IQUB: variants seen among roughly 807,000 people sequenced by gnomAD.
IQUB encodes the protein IQ motif and ubiquitin domain containing.
IQUB carries 86 observed loss-of-function variants against 86.4 expected under a neutral mutation model. The ratio of observed to expected loss-of-function variants is 1.00; its 90% CI spans 0.84 to 1.19. IQUB has a LOEUF of 1.19. Ranked by LOEUF, IQUB falls within the 50% of genes most tolerant of loss-of-function variation. The probability of loss-of-function intolerance (pLI) is 0.00; values close to 1 mark genes in which losing one functional copy is unlikely to be tolerated. For synonymous variants in IQUB, 289 were observed against 304.5 expected (o/e 0.95, Z 0.53); for missense variants, 946 against 916.9 (o/e 1.03, Z -0.41).
rs373447728 is a variant in IQUB, at chr7:123,452,796, A to C, written c.2323T>G (p.Tyr775Asp). The change falls in exon 13 of 13, where the codon TAT becomes GAT. Residue 775 changes from tyrosine (Y) to aspartate (D), a missense_variant. Tyr to Asp is a radical substitution (Grantham distance 160, BLOSUM62 -3). Coordinates refer to ENST00000324698, the MANE Select transcript of IQUB (RefSeq NM_178827.5). ...DGEIDEIRWK[Y>D]HSDTTPKIIE... ...ATCTTAGGTGTTGTGTCTGAGTGAT[A>C]CTTCCATCTGATCTCATCAATTTCA... The C allele has an allele frequency of 1.2e-6, 2 of 1,613,600 alleles. No individual in the cohort carries two copies. The highest frequency in any genetic ancestry group is 1.3e-5 in the African/African-American group (1 of 74,888).
rs1222864854 is a variant in IQUB, at chr7:123,517,472, A to C, written c.-4-5128T>G. Among the ~76,000 whole-genome samples, 10 of 129,206 alleles carry C rather than the reference A, an allele frequency of 7.7e-5. No homozygotes were observed. In the East Asian group the frequency reaches 2.7e-3, roughly 35 times the overall value. 84.8% of individuals were successfully genotyped at this position (129,206 alleles called of 152,430 possible). The stretch of plus-strand genomic sequence containing the variant: ...CGTGAACCCAGGAGGCAGAGCTTGC[A>C]GTGAGCCGAGATTGCGCCACTGCAC... On this transcript the variant is annotated intron_variant, in intron 1 of 12. Transcript: ENST00000324698.
At chr7:123,465,487 G>A (rs1448302514) in intron 9 of IQUB, among the ~76,000 whole-genome samples, 1 of 151,904 alleles carries the variant, frequency 6.6e-6, no homozygotes, top group Non-Finnish European at 1.5e-5. Flanking sequence ...TTTAATATTT[G>A]TTAAACTGTA....
intron 1 of IQUB, among the ~76,000 whole-genome samples, chr7:123,522,287 C>T (rs182513005): frequency 2.4e-3 from 365 of 152,308 alleles, no homozygotes; most frequent in African/African-American, 8.6e-3. Flanking sequence ...GGGAAATTGG[C>T]ACAAACTTGA....
At position 123,511,968 on chromosome 7, in the gene IQUB, A is replaced by C; in HGVS notation, c.373T>G (p.Ser125Ala). 6.2e-7 allele frequency: 1 copy of C among 1,607,438 alleles called. No homozygotes were observed. The highest frequency in any genetic ancestry group is 2.2e-5 in the East Asian group (1 of 44,812). Reference protein sequence around the residue: ...IKSVKESLQESVEDSLATVKV... With the variant: ...IKSVKESLQEAVEDSLATVKV... ...CCTGTTGCTAGAGAATCTTCCACTG[A>C]TTCTTGCAAAGATTCCTTTACAGAC... The change falls in exon 2 of 13, where the codon TCA (serine) becomes GCA (alanine). Residue 125 changes from serine (S) to alanine (A), a missense_variant. Physicochemically the swap from Ser to Ala is moderately conservative, Grantham distance 99. Transcript: ENST00000324698.
chr7:123,529,738 A>C (rs1298494429), intron 1 of IQUB, among the ~76,000 whole-genome samples: 1 of 146,828 alleles, frequency 6.8e-6, no homozygotes, highest in Non-Finnish European at 1.5e-5. Context: ...AAAAAAAAAA[A>C]AAAAAAAAAA....
chr7:123,502,529 G>T, intron 6 of IQUB, 68 bp downstream of exon 6: 2 of 1,377,176 alleles, frequency 1.5e-6, no homozygotes, highest in South Asian at 1.2e-5. Flanking sequence ...TGGAGAAAGA[G>T]ACACACTCGG....
intron 10 of IQUB, among the ~76,000 whole-genome samples, chr7:123,463,238 C>T (rs1246494418): frequency 6.6e-6 from 1 of 151,648 alleles, no homozygotes; most frequent in African/African-American, 2.4e-5. Context: ...TTGGTTGTCT[C>T]TTTTTAAAGT....
intron 8 of IQUB, among the ~76,000 whole-genome samples, chr7:123,472,376 T>C (rs1794564840): frequency 1.3e-5 from 2 of 152,372 alleles, no homozygotes; most frequent in Middle Eastern, 6.8e-3. Context: ...GTGTTTACTA[T>C]ACATTAATCA....
Position 123,496,885 on chromosome 7 carries a change from A to G in IQUB, c.1045T>C (p.Tyr349His). The G allele has an allele frequency of 6.2e-7, 1 of 1,610,886 alleles. No homozygotes were observed. The highest frequency in any genetic ancestry group is 2.2e-5 in the East Asian group (1 of 44,720). ...LKAVIVIQTY[Y>H]RQWHAKIFVE... ...AAGATTTTAGCATGCCATTGCCTGT[A>G]GTAAGTCTGTATCACTATCACCTAT... is the stretch of plus-strand genomic sequence containing the variant. The change falls in exon 7 of 13, where the codon TAC becomes CAC. Residue 349 changes from tyrosine (Y) to histidine (H), a missense_variant. Transcript: ENST00000324698.
At chr7:123,501,814 C>A (rs1485343000) in intron 6 of IQUB, 1 of 152,240 alleles carries the variant, frequency 6.6e-6, no homozygotes, top group Non-Finnish European at 1.5e-5. Flanking sequence ...CTAAATCCCA[C>A]TCAAACTTCA....
chr7:123,462,489 T>G (rs549398907), intron 10 of IQUB, among the ~76,000 whole-genome samples: 1 of 151,756 alleles, frequency 6.6e-6, no homozygotes, highest in Non-Finnish European at 1.5e-5. Context: ...TCCTAAACAC[T>G]CCATCTTCCC....
chr7:123,516,685 A>G (rs1796651938), intron 1 of IQUB, among the ~76,000 whole-genome samples: 1 of 152,210 alleles, frequency 6.6e-6, no homozygotes, highest in African/African-American at 2.4e-5. Context: ...CAAGGTGAGT[A>G]GGAAGTAGCC....
chr7:123,497,290 C>T (rs1795748419), intron 6 of IQUB, among the ~76,000 whole-genome samples: 2 of 152,106 alleles, frequency 1.3e-5, no homozygotes, highest in African/African-American at 4.8e-5. Context: ...ATATAAAGTG[C>T]TTAACCCAAG....
chr7:123,512,320 C>T lies in IQUB; in HGVS notation c.21G>A (p.Lys7=), dbSNP rs1796456244. 2.5e-6 allele frequency: 4 copies of T among 1,573,256 alleles called. No homozygotes were observed. Among genetic ancestry groups the T allele is most frequent in the Admixed American group, 1.8e-5 (1 of 57,118 alleles). The part of the protein sequence containing the change: MSNQQE[K]YEAQNIVNST... ...AATTGACTATATTCTGAGCTTCATA[C>T]TTCTCCTGTTGATTAGACATTTTCC... Residue 7 remains lysine, a synonymous_variant, in exon 2 of 13, where the codon AAG becomes AAA. Transcript: ENST00000324698.
Position 123,496,710 on chromosome 7 carries a change from T to A in IQUB, c.1220A>T (p.Tyr407Phe). 6.3e-7 allele frequency: 1 copy of A among 1,598,650 alleles called. No individual in the cohort carries two copies. Among genetic ancestry groups the A allele is most frequent in the Non-Finnish European group, 8.5e-7 (1 of 1,170,234 alleles). Residue 407 changes from tyrosine to phenylalanine, a missense_variant, in exon 7 of 13, where the codon TAT (tyrosine) becomes TTT (phenylalanine). Transcript: ENST00000324698. ...GTCCAACTTACATTCTAATGCATTA[T>A]AAAGAAATTCAAAATCTTCATTTGT... is the stretch of plus-strand genomic sequence containing the variant. The part of the protein sequence containing the change: ...PKTNEDFEFL[Y>F]NALEFWRQEE...
At chr7:123,500,293 G>T (rs184712549) in intron 6 of IQUB, among the ~76,000 whole-genome samples, 8 of 151,918 alleles carry the variant, frequency 5.3e-5, no homozygotes, top group Non-Finnish European at 1.0e-4. Context: ...GGTCTGGATC[G>T]GGACCACTTT....
chr7:123,498,502 T>C (rs1288103576), intron 6 of IQUB, among the ~76,000 whole-genome samples: 1 of 152,138 alleles, frequency 6.6e-6, no homozygotes, highest in African/African-American at 2.4e-5. Flanking sequence ...AAAAAATTAA[T>C]AGAATATGGA....
rs561113454 is a variant in IQUB, at chr7:123,499,165, CAGTG to C, written c.1024-2263_1024-2260del. On this transcript the variant is annotated intron_variant, in intron 6 of 12. Transcript: ENST00000324698. ...TCTCACTGTCACCCAGGCTAGAGTG[CAGTG>C]GTGTGATCTCAGCTCACTGCAGCCT... Among the ~76,000 whole-genome samples, 75 of 151,808 alleles carry C rather than the reference CAGTG, an allele frequency of 4.9e-4. 1 individual carries two copies. Among genetic ancestry groups the C allele is most frequent in the African/African-American group, 1.8e-3 (74 of 41,408 alleles).
At chr7:123,511,753 C>G (rs963371326) in intron 2 of IQUB, among the ~76,000 whole-genome samples, 191 bp downstream of exon 2, 2 of 152,044 alleles carry the variant, frequency 1.3e-5, no homozygotes, top group Non-Finnish European at 2.9e-5. Context: ...AAAATAGATA[C>G]TGCAGAATAG....
Sources: allele counts gnomAD v4.1 joint callset (sites outside exome capture counted in the v4.1 genomes callset), GRCh38; gene constraint gnomAD v4.1.1; transcripts MANE v1.5; gene names NCBI Gene and HGNC (gene_info 2026-07-23, HGNC 2026-07-21).